Variants in EP400 observed in about 807,000 individuals in gnomAD.
The protein encoded by EP400 is E1A-binding protein p400.
EP400 carries 105 observed loss-of-function variants against 354.1 expected under a neutral mutation model. The ratio of observed to expected loss-of-function variants is 0.30; its 90% CI spans 0.25 to 0.35. The LOEUF (loss-of-function observed/expected upper bound fraction) is 0.35, where lower values mean the gene tolerates loss of function less well. EP400 is among the 10% of genes least tolerant of loss of function. EP400 has a pLI of 1.00. For synonymous variants in EP400, 1,646 were observed against 1,716.9 expected (o/e 0.96, Z 1.02); for missense variants, 3,280 against 4,121.0 (o/e 0.80, Z 5.59).
intron 39 of EP400, among the ~76,000 whole-genome samples, chr12:132,049,381 T>A (rs1299350473): frequency 6.6e-6 from 1 of 152,270 alleles, no homozygotes; most frequent in Non-Finnish European, 1.5e-5. Flanking sequence ...CCCTGTATGG[T>A]ACAGTGTTCC....
intron 1 of EP400, among the ~76,000 whole-genome samples, chr12:131,952,297 T>C (rs7139289): frequency 0.16 from 18,709 of 118,190 alleles, 2,065 homozygotes; most frequent in African/African-American, 0.33. Context: ...AGCGAGACTC[T>C]GTCTCAAAAA....
Position 132,018,182 on chromosome 12 carries a change from G to A in EP400, c.4111-28G>A, listed in dbSNP as rs199530545. 3 of 1,606,344 alleles carry A rather than the reference G, an allele frequency of 1.9e-6. No homozygotes were observed. Among genetic ancestry groups the A allele is most frequent in the East Asian group, 4.5e-5 (2 of 44,830 alleles). On this transcript the variant is annotated intron_variant, in intron 20 of 52. Coordinates refer to ENST00000389561, the MANE Select transcript of EP400 (RefSeq NM_015409.5). The surrounding 1 kb of genome is among the most constrained non-coding windows in gnomAD (Gnocchi z 4.0). ...GGTGCTTTTTTTGCCTCTTCATGCA[G>A]CAAGACTTTTTTTCTTTTTCTCTCT...
chr12:132,060,314 TCAGA>T (rs1236330474), intron 45 of EP400, among the ~76,000 whole-genome samples: 1 of 152,132 alleles, frequency 6.6e-6, no homozygotes, highest in Non-Finnish European at 1.5e-5. Flanking sequence ...TCACTGACTA[TCAGA>T]CAGAAAATTG....
intron 12 of EP400, among the ~76,000 whole-genome samples, chr12:131,996,121 T>C (rs1197947827): frequency 6.6e-6 from 1 of 152,154 alleles, no homozygotes; most frequent in Non-Finnish European, 1.5e-5. Flanking sequence ...TGTAAATATG[T>C]GACCGACTCT....
At chr12:132,045,588 G>A (rs554530349) in intron 38 of EP400, 28 bp downstream of exon 38, 13 of 1,610,016 alleles carry the variant, frequency 8.1e-6, no homozygotes, top group South Asian at 2.2e-5. Context: ...TTGTGCCAGC[G>A]GTCATGTGCG....
intron 30 of EP400, among the ~76,000 whole-genome samples, chr12:132,035,397 G>A (rs1894660022): frequency 6.6e-6 from 1 of 152,242 alleles, no homozygotes; most frequent in Non-Finnish European, 1.5e-5. Context: ...ATGAGCTCAT[G>A]TCGAGGGATT....
At chr12:131,984,827 T>C (rs1439089991) in intron 5 of EP400, among the ~76,000 whole-genome samples, 3 of 151,710 alleles carry the variant, frequency 2.0e-5, no homozygotes, top group African/African-American at 7.3e-5. Flanking sequence ...GCCTCCCGAG[T>C]AGCTGGGACT....
intron 50 of EP400, 161 bp from the exon 51 acceptor site, chr12:132,069,334 G>C: frequency 1.0e-6 from 1 of 988,766 alleles, no homozygotes; most frequent in Non-Finnish European, 1.4e-6. Context: ...CAGCGGCAGG[G>C]ATGGGACAGG....
At chr12:131,984,433 G>A (rs1015579983) in intron 5 of EP400, among the ~76,000 whole-genome samples, 2 of 152,098 alleles carry the variant, frequency 1.3e-5, no homozygotes, top group African/African-American at 2.4e-5. Context: ...CCAGCAACTG[G>A]GGGGGCTGTA....
chr12:132,029,536 GC>G lies in EP400; in HGVS notation c.5382-161del. ...GACTGGTTAGGATCTGCCTCGTTGG[GC>G]CCCTGCCCGTGTGCCAACACCCACA... On this transcript the variant is annotated intron_variant, in intron 27 of 52. Transcript: ENST00000389561. This position sits in a 1 kb window ranked among gnomAD's most constrained non-coding sequence, Gnocchi z 4.7. 2.8e-6 allele frequency: 2 copies of G among 714,084 alleles called. No individual in the cohort carries two copies. Among genetic ancestry groups the G allele is most frequent in the Non-Finnish European group, 4.6e-6 (2 of 432,854 alleles). The allele number at this position is 714,084 out of a possible 1,614,324, so 44.2% of individuals were successfully genotyped here. A position where few individuals can be genotyped will look rare whatever the true frequency, so the allele number is the denominator to read the frequency against.
chr12:132,066,994 G>A lies in EP400; in HGVS notation c.8749+25G>A, dbSNP rs370641085. ...GGTGCCCGCCCCAGCACACCCTCCC[G>A]TCCTGGGCTTGAGCCTGGTTTCACA... On this transcript the variant is annotated intron_variant, in intron 49 of 52. Coordinates refer to ENST00000389561, the MANE Select transcript of EP400 (RefSeq NM_015409.5). 1.5e-4 allele frequency: 233 copies of A among 1,548,362 alleles called. No individual in the cohort carries two copies. The African/African-American group carries it at 2.0e-3, about 13-fold the overall frequency.
chr12:131,980,520 GT>G (rs918066721), intron 3 of EP400, among the ~76,000 whole-genome samples: 3 of 151,124 alleles, frequency 2.0e-5, no homozygotes, highest in Non-Finnish European at 3.0e-5. Flanking sequence ...TAGTCTCATG[GT>G]TTTTTTTTCC....
In EP400 at chr12:132,020,177, G is replaced by A. The variant is rs1185554193; in HGVS notation, c.4406G>A (p.Arg1469Gln). ...SAAPQGPLRG[R>Q]PPIATFSANP... is the part of the protein sequence containing the mutation. ...GCTCCACAGGGCCCGCTTCGAGGAC[G>A]GCCGCCCATCGCCACGTTCTCTGCC... Residue 1469 changes from arginine to glutamine, a missense_variant, in exon 22 of 53, where the codon CGG becomes CAG. Arg to Gln is a conservative substitution (Grantham distance 43, BLOSUM62 1). Transcript: ENST00000389561. The A allele has an allele frequency of 6.8e-6, 11 of 1,610,086 alleles. No homozygotes were observed. Among genetic ancestry groups the A allele is most frequent in the Non-Finnish European group, 9.3e-6 (11 of 1,178,456 alleles).
intron 27 of EP400, among the ~76,000 whole-genome samples, chr12:132,028,782 G>C (rs1278516501): frequency 6.6e-6 from 1 of 152,128 alleles, no homozygotes; most frequent in African/African-American, 2.4e-5. Context: ...TACCCTGTTT[G>C]CATTTCCACT....
In EP400 at chr12:132,025,935, G is replaced by T. The variant is rs1412837432; in HGVS notation, c.5014+131G>T. 2 of 1,091,328 alleles carry T rather than the reference G, an allele frequency of 1.8e-6. No homozygotes were observed. The highest frequency in any genetic ancestry group is 5.9e-5 in the East Asian group (2 of 34,018). 67.6% of individuals were successfully genotyped at this position (1,091,328 alleles called of 1,614,324 possible). On this transcript the variant is annotated intron_variant, in intron 25 of 52. Coordinates refer to ENST00000389561, the MANE Select transcript of EP400 (RefSeq NM_015409.5). This position sits in a 1 kb window ranked among gnomAD's most constrained non-coding sequence, Gnocchi z 4.1. ...CACAGTCTAGTGTGTGGCCATCTCT[G>T]ATTTCTATAGATGTGTCCTAGTGTC...
Position 132,006,796 on chromosome 12 carries a change from A to C in EP400, c.3223A>C (p.Asn1075His). 1 of 1,614,220 alleles carries C rather than the reference A, an allele frequency of 6.2e-7. No individual in the cohort carries two copies. The highest frequency in any genetic ancestry group is 8.5e-7 in the Non-Finnish European group (1 of 1,180,042). ...GGCCAAACTTTACAGGAAGAATCTCAATGGCATATTGGCAGATGAAGCTGG... is the reference window on the plus strand; with the variant it reads ...GGCCAAACTTTACAGGAAGAATCTCCATGGCATATTGGCAGATGAAGCTGG... ...WLAKLYRKNL[N>H]GILADEAGLG... The change falls in exon 15 of 53, where the codon AAT (asparagine) becomes CAT (histidine). Residue 1075 changes from asparagine to histidine, a missense_variant. This residue lies in a region of EP400 where 242 missense variants were observed against 357.9 expected (regional missense o/e 0.68). Transcript: ENST00000389561.
At position 132,029,605 on chromosome 12, in the gene EP400, G is replaced by T; in HGVS notation, c.5382-96G>T. 1 of 1,357,892 alleles carries T rather than the reference G, an allele frequency of 7.4e-7. No individual in the cohort carries two copies. The highest frequency in any genetic ancestry group is 1.0e-6 in the Non-Finnish European group (1 of 972,848). The allele number at this position is 1,357,892 out of a possible 1,614,324, so 84.1% of individuals were successfully genotyped here. The stretch of plus-strand genomic sequence containing the variant: ...TGAGCCCTGCTGTTTCCTGGGACTT[G>T]GACTGTCAGAAGTCTGCCCCATCTT... On this transcript the variant is annotated intron_variant, in intron 27 of 52. Coordinates refer to ENST00000389561, the MANE Select transcript of EP400 (RefSeq NM_015409.5). The surrounding 1 kb of genome is among the most constrained non-coding windows in gnomAD (Gnocchi z 4.7).
chr12:132,065,041 G>A, intron 48 of EP400, 155 bp downstream of exon 48: 2 of 1,342,096 alleles, frequency 1.5e-6, no homozygotes, highest in South Asian at 1.5e-5. Flanking sequence ...ACAGAGGACG[G>A]GACTCACCAC....
At chr12:132,015,958 G>T (rs1287833763) in intron 19 of EP400, among the ~76,000 whole-genome samples, 1 of 152,126 alleles carries the variant, frequency 6.6e-6, no homozygotes, top group East Asian at 1.9e-4. Context: ...ACGAGCTCCA[G>T]AGCTGCCAGA....
Sources: gnomAD v4.1 joint callset for allele counts (sites outside exome capture counted in the v4.1 genomes callset) on GRCh38, gnomAD v4.1.1 for gene constraint, gnomAD v4.1.1 regional missense constraint, Gnocchi (gnomAD v3.1) non-coding constraint, MANE v1.5 for transcripts, NCBI Gene and HGNC (gene_info 2026-07-23, HGNC 2026-07-21) for gene names.